Variants in ZNF804B observed in about 807,000 individuals in gnomAD.
ZNF804B encodes zinc finger protein 804B, also known as zinc finger 804B.
Under a neutral mutation model 101.4 loss-of-function variants are expected in ZNF804B, and 80 were observed. That is an observed-to-expected ratio of 0.79 (90% confidence interval 0.66 to 0.95). The LOEUF (loss-of-function observed/expected upper bound fraction) is 0.95, where lower values mean the gene tolerates loss of function less well. ZNF804B is among the 40% of genes least tolerant of loss of function. The probability of loss-of-function intolerance (pLI) is 0.00; values close to 1 mark genes in which losing one functional copy is unlikely to be tolerated. For synonymous variants in ZNF804B, 622 were observed against 558.8 expected (o/e 1.11, Z -1.59); for missense variants, 1,673 against 1,561.9 (o/e 1.07, Z -1.20).
intron 1 of ZNF804B, among the ~76,000 whole-genome samples, chr7:88,853,204 T>A (rs970617071): frequency 1.3e-5 from 2 of 152,134 alleles, no homozygotes; most frequent in Non-Finnish European, 2.9e-5. Context: ...CATTAAAAAG[T>A]CAGTCTTTCA....
At chr7:89,113,066 T>C (rs1478882502) in intron 1 of ZNF804B, among the ~76,000 whole-genome samples, 1 of 152,170 alleles carries the variant, frequency 6.6e-6, no homozygotes, top group Admixed American at 6.5e-5. Flanking sequence ...TGTGAGAAGA[T>C]GTTAGGAAAT....
chr7:89,155,964 G>C (rs1790954146), intron 1 of ZNF804B, among the ~76,000 whole-genome samples: 2 of 140,952 alleles, frequency 1.4e-5, no homozygotes, highest in African/African-American at 2.6e-5. Flanking sequence ...TCCCTCCTCT[G>C]TCTCTCTCTC....
chr7:88,838,647 A>G (rs1791250870), intron 1 of ZNF804B, among the ~76,000 whole-genome samples: 1 of 151,972 alleles, frequency 6.6e-6, no homozygotes, highest in African/African-American at 2.4e-5. Flanking sequence ...AGAGTACATT[A>G]TAGTGGTAAG....
At position 88,896,210 on chromosome 7, in the gene ZNF804B, A is replaced by G. The variant is rs574451406; in HGVS notation, c.108+136126A>G. ...GTGAAAAACTTCTGAAGAAATCCAA[A>G]TGAAGCATAGAGTTTAGTTCATGGT... On this transcript the variant is annotated intron_variant, in intron 1 of 3. Transcript: ENST00000333190. Among the ~76,000 whole-genome samples, 17 of 152,332 alleles carry G rather than the reference A, an allele frequency of 1.1e-4. No homozygotes were observed. The South Asian group carries it at 2.9e-3, about 26-fold the overall frequency.
At chr7:89,140,671 A>T (rs1584010851) in intron 1 of ZNF804B, among the ~76,000 whole-genome samples, 1 of 152,192 alleles carries the variant, frequency 6.6e-6, no homozygotes, top group Non-Finnish European at 1.5e-5. Context: ...GCCTTCATAG[A>T]ATTGAAGTGA....
At chr7:89,171,356 T>TTCTTCC (rs1282426438) in intron 1 of ZNF804B, among the ~76,000 whole-genome samples, 90 of 99,284 alleles carry the variant, frequency 9.1e-4, no homozygotes, top group Non-Finnish European at 1.7e-3. Context: ...CTTCTTCTTC[T>TTCTTCC]TCCTCCTCTT....
chr7:89,001,008 G>T (rs2116171771), intron 1 of ZNF804B, among the ~76,000 whole-genome samples: 1 of 146,780 alleles, frequency 6.8e-6, no homozygotes, highest in East Asian at 2.0e-4. Context: ...TATATATAAT[G>T]TATAGTATAA....
At chr7:88,959,089 G>C (rs1584039431) in intron 1 of ZNF804B, among the ~76,000 whole-genome samples, 1 of 151,438 alleles carries the variant, frequency 6.6e-6, no homozygotes, top group East Asian at 2.0e-4. Context: ...TCTTACTCTA[G>C]AGGTTGTCTG....
At chr7:89,013,089 G>A (rs1327955320) in intron 1 of ZNF804B, among the ~76,000 whole-genome samples, 2 of 151,990 alleles carry the variant, frequency 1.3e-5, no homozygotes, top group Non-Finnish European at 2.9e-5. Flanking sequence ...TAGGGGAACC[G>A]CCCCCAAGAT....
intron 1 of ZNF804B, among the ~76,000 whole-genome samples, chr7:89,065,554 CTT>C (rs1271388704): frequency 6.6e-6 from 1 of 152,060 alleles, no homozygotes; most frequent in East Asian, 1.9e-4. Flanking sequence ...ATTAATTAGT[CTT>C]TTCTTATTGC....
At chr7:89,035,140 A>G (rs936842764) in intron 1 of ZNF804B, among the ~76,000 whole-genome samples, 5 of 152,122 alleles carry the variant, frequency 3.3e-5, no homozygotes, top group African/African-American at 4.8e-5. Context: ...AATTTTCAAT[A>G]AGTGTTCTAA....
chr7:89,221,758 T>C (rs10232601), intron 2 of ZNF804B, among the ~76,000 whole-genome samples: 107,095 of 150,218 alleles, frequency 0.71, 38,724 homozygotes, highest in African/African-American at 0.77. Flanking sequence ...TCTATCTATA[T>C]GCACACTTCC....
intron 1 of ZNF804B, among the ~76,000 whole-genome samples, chr7:88,989,105 C>T (rs1793807152): frequency 6.6e-6 from 1 of 151,936 alleles, no homozygotes; most frequent in Non-Finnish European, 1.5e-5. Flanking sequence ...TCACTGCAAC[C>T]TCTGCCTCCC....
intron 1 of ZNF804B, among the ~76,000 whole-genome samples, chr7:88,860,686 A>G (rs1791631898): frequency 1.3e-5 from 2 of 152,190 alleles, no homozygotes; most frequent in Admixed American, 1.3e-4. Context: ...AATGAGGCAG[A>G]GGAAGAAAAG....
chr7:89,184,205 T>C (rs1162969714), intron 1 of ZNF804B, among the ~76,000 whole-genome samples: 1 of 152,150 alleles, frequency 6.6e-6, no homozygotes, highest in South Asian at 2.1e-4. Context: ...AGGACTGCAA[T>C]CTCACACACA....
chr7:89,161,008 T>C (rs990905683), intron 1 of ZNF804B, among the ~76,000 whole-genome samples: 10 of 152,152 alleles, frequency 6.6e-5, no homozygotes, highest in Non-Finnish European at 1.3e-4. Context: ...CCCTTGGAGC[T>C]GAACATTTTC....
At position 88,774,454 on chromosome 7, in the gene ZNF804B, G is replaced by T. The variant is rs142192904; in HGVS notation, c.108+14370G>T. 4.3e-4 allele frequency among the ~76,000 whole-genome samples: 66 copies of T among 152,130 alleles called. 1 individual carries two copies. In the East Asian group the frequency reaches 0.011, roughly 25 times the overall value. The stretch of plus-strand genomic sequence containing the variant: ...GTCCAGAGTACCTCTTTTTCATTGG[G>T]TATCTGTGTGTAAGAGAAGCACAGT... On this transcript the variant is annotated intron_variant, in intron 1 of 3. Transcript: ENST00000333190.
intron 1 of ZNF804B, among the ~76,000 whole-genome samples, chr7:88,869,203 T>G (rs955928940): frequency 2.0e-5 from 3 of 152,224 alleles, no homozygotes; most frequent in African/African-American, 4.8e-5. Context: ...AAAAAACTTT[T>G]CAGCATAATT....
intron 1 of ZNF804B, among the ~76,000 whole-genome samples, chr7:88,913,191 A>G (rs1003986850): frequency 6.6e-6 from 1 of 152,230 alleles, no homozygotes; most frequent in Non-Finnish European, 1.5e-5. Context: ...ACTTTGCTGT[A>G]TGATTCCTAC....
Sources: gnomAD v4.1 joint callset for allele counts (sites outside exome capture counted in the v4.1 genomes callset) on GRCh38, gnomAD v4.1.1 for gene constraint, MANE v1.5 for transcripts, NCBI Gene and HGNC (gene_info 2026-07-23, HGNC 2026-07-21) for gene names.